Variants in TMEM132B observed in about 807,000 individuals in gnomAD.
TMEM132B encodes the protein transmembrane protein 132B.
A neutral mutation model predicts 90.8 loss-of-function variants in TMEM132B; 18 were observed. The observed-to-expected ratio is 0.20, with a 90% CI of 0.14 to 0.29. The LOEUF (loss-of-function observed/expected upper bound fraction) is 0.29, where lower values mean the gene tolerates loss of function less well. Among genes scored for constraint, TMEM132B ranks in the 10% least tolerant of loss-of-function variants. The pLI is 1.00. For missense variants in TMEM132B, 1,096 were observed against 1,326.8 expected, an observed-to-expected ratio of 0.83 and a Z score of 2.70; for synonymous variants, 504 against 523.3, an observed-to-expected ratio of 0.96 and a Z score of 0.50.
At chr12:125,448,590 A>G (rs908098787) in intron 3 of TMEM132B, among the ~76,000 whole-genome samples, 4 of 152,204 alleles carry the variant, frequency 2.6e-5, no homozygotes, top group Non-Finnish European at 5.9e-5. Context: ...TTTATTGTCT[A>G]TTCACCTGTT....
At chr12:125,614,873 A>G (rs1049016654) in intron 5 of TMEM132B, among the ~76,000 whole-genome samples, 2 of 151,844 alleles carry the variant, frequency 1.3e-5, no homozygotes, top group Non-Finnish European at 2.9e-5. Flanking sequence ...GCTGCTAGCA[A>G]CTCTTTCTCT....
chr12:125,233,934 A>G (rs1873877356), intron 1 of TMEM132B, among the ~76,000 whole-genome samples: 1 of 152,192 alleles, frequency 6.6e-6, no homozygotes, highest in Admixed American at 6.5e-5. Context: ...TGGTCTGATC[A>G]TGGAATTTTT....
chr12:125,571,814 G>A (rs560379651), intron 4 of TMEM132B, among the ~76,000 whole-genome samples: 5 of 152,118 alleles, frequency 3.3e-5, no homozygotes, highest in Admixed American at 2.0e-4. Flanking sequence ...AAACTCTTAC[G>A]TAAGTAGAGT....
At chr12:125,551,935 T>C (rs1884239182) in intron 4 of TMEM132B, among the ~76,000 whole-genome samples, 1 of 152,200 alleles carries the variant, frequency 6.6e-6, no homozygotes, top group African/African-American at 2.4e-5. Context: ...TGGTCTAGGC[T>C]GAGGACAGTC....
chr12:125,527,067 T>C (rs1251883289), intron 4 of TMEM132B, among the ~76,000 whole-genome samples: 216 of 55,562 alleles, frequency 3.9e-3, no homozygotes, highest in Admixed American at 5.9e-3. Context: ...TCCACCCATT[T>C]ACCCTTCTAT....
chr12:125,432,515 A>ATATGTATGTG, intron 3 of TMEM132B, among the ~76,000 whole-genome samples: 1 of 72,466 alleles, frequency 1.4e-5, no homozygotes, highest in Non-Finnish European at 2.7e-5. Flanking sequence ...GTGTGTGTAT[A>ATATGTATGTG]TATATATATA....
At chr12:125,505,803 G>A (rs915487055) in intron 3 of TMEM132B, among the ~76,000 whole-genome samples, 3 of 152,160 alleles carry the variant, frequency 2.0e-5, no homozygotes, top group Non-Finnish European at 4.4e-5. Flanking sequence ...TATTCAGTCT[G>A]AAGAACACAG....
At chr12:125,357,821 C>G (rs1229210693) in intron 2 of TMEM132B, among the ~76,000 whole-genome samples, 1 of 152,198 alleles carries the variant, frequency 6.6e-6, no homozygotes, top group Non-Finnish European at 1.5e-5. Context: ...ATCTGCAGAC[C>G]CAGGACTCAT....
At chr12:125,409,302 T>G (rs1415313222) in intron 2 of TMEM132B, among the ~76,000 whole-genome samples, 1 of 152,148 alleles carries the variant, frequency 6.6e-6, no homozygotes, top group Admixed American at 6.5e-5. Flanking sequence ...CACACTGGAA[T>G]TTATGGATCC....
intron 2 of TMEM132B, among the ~76,000 whole-genome samples, chr12:125,400,161 A>G (rs534025555): frequency 6.6e-6 from 1 of 152,362 alleles, no homozygotes; most frequent in Non-Finnish European, 1.5e-5. Context: ...TTATAGTAGA[A>G]GCACTGAAAT....
At chr12:125,519,678 C>A (rs1013088449) in intron 4 of TMEM132B, 53 bp downstream of exon 4, 1 of 1,557,140 alleles carries the variant, frequency 6.4e-7, no homozygotes, top group Non-Finnish European at 8.8e-7. Context: ...TTTCTTTAAA[C>A]ATGATGCACT....
Position 125,654,019 on chromosome 12 carries a change from C to T in TMEM132B, c.2561C>T (p.Thr854Ile), listed in dbSNP as rs753002491. The change falls in exon 9 of 9, where the codon ACC becomes ATC. Residue 854 changes from threonine (T) to isoleucine (I), a missense_variant. Transcript: ENST00000682704. The surrounding 1 kb of genome is among the most constrained non-coding windows in gnomAD (Gnocchi z 5.8). ...GAGGAAAGTACCAACAAAAGCACAA[C>T]CCCCCAGTCTCCCATGGAAGGGAAG... ...GQEESTNKST[T>I]PQSPMEGKNK... 5 of 1,614,162 alleles carry T rather than the reference C, an allele frequency of 3.1e-6. No homozygotes were observed. Among genetic ancestry groups the T allele is most frequent in the South Asian group, 1.1e-5 (1 of 91,082 alleles).
At chr12:125,319,484 C>T (rs188150971) in intron 1 of TMEM132B, among the ~76,000 whole-genome samples, 1 of 152,364 alleles carries the variant, frequency 6.6e-6, no homozygotes, top group East Asian at 1.9e-4. Context: ...TCTGCTGTGG[C>T]CACACACCCT....
In TMEM132B at chr12:125,371,154, G is replaced by A. The variant is rs1423893309; in HGVS notation, c.959+20811G>A. Among the ~76,000 whole-genome samples the A allele has an allele frequency of 4.6e-5, 7 of 152,200 alleles. 1 individual carries two copies. The highest frequency in any genetic ancestry group is 1.7e-4 in the African/African-American group (7 of 41,452). On this transcript the variant is annotated intron_variant, in intron 2 of 8. Coordinates refer to ENST00000682704, the MANE Select transcript of TMEM132B (RefSeq NM_001366854.1). The stretch of plus-strand genomic sequence containing the variant: ...CACAGGAGACAGATGAAGGCCAGAA[G>A]CCTCAGCAAGTCAGCTCCTTCTACC...
chr12:125,623,051 A>C (rs1043017225), intron 5 of TMEM132B, among the ~76,000 whole-genome samples: 4 of 152,108 alleles, frequency 2.6e-5, no homozygotes, highest in Non-Finnish European at 4.4e-5. Flanking sequence ...AATGGCACCT[A>C]ATTAACAGCG....
chr12:125,260,012 T>C (rs573106071), intron 1 of TMEM132B, among the ~76,000 whole-genome samples: 1 of 152,214 alleles, frequency 6.6e-6, no homozygotes, highest in African/African-American at 2.4e-5. Flanking sequence ...GTAGAAATTA[T>C]GTTTTGCATG....
At chr12:125,310,067 G>A (rs1876087428) in intron 1 of TMEM132B, among the ~76,000 whole-genome samples, 1 of 152,164 alleles carries the variant, frequency 6.6e-6, no homozygotes, top group African/African-American at 2.4e-5. Flanking sequence ...GTCCCAAGAG[G>A]ACCAGGCAGG....
intron 3 of TMEM132B, among the ~76,000 whole-genome samples, chr12:125,503,170 C>T (rs1342427327): frequency 6.6e-6 from 1 of 152,168 alleles, no homozygotes. Context: ...AGGTTCAGAT[C>T]TGAGAGAGGA....
At position 125,186,741 on chromosome 12, in the gene TMEM132B, G is replaced by A. The variant is rs1364554199; in HGVS notation, c.-59G>A. 2.0e-5 allele frequency: 3 copies of A among 146,952 alleles called. No individual in the cohort carries two copies. Among genetic ancestry groups the A allele is most frequent in the Non-Finnish European group, 3.0e-5 (2 of 66,048 alleles). 9.1% of individuals were successfully genotyped at this position (146,952 alleles called of 1,614,324 possible). A position where few individuals can be genotyped will look rare whatever the true frequency, so the allele number is the denominator to read the frequency against. On this transcript the variant is annotated 5_prime_UTR_variant, in exon 1 of 9. Coordinates refer to ENST00000682704, the MANE Select transcript of TMEM132B (RefSeq NM_001366854.1). This position sits in a 1 kb window ranked among gnomAD's most constrained non-coding sequence, Gnocchi z 6.3. ...CCGGGGGCTGCTCCGGGAGCCGCGGGCCGGGCCGGGCGCGCGAGAGGAGCA... is the reference window on the plus strand; with the variant it reads ...CCGGGGGCTGCTCCGGGAGCCGCGGACCGGGCCGGGCGCGCGAGAGGAGCA...
Sources: allele counts gnomAD v4.1 joint callset (sites outside exome capture counted in the v4.1 genomes callset), GRCh38; gene constraint gnomAD v4.1.1; non-coding constraint Gnocchi (gnomAD v3.1); transcripts MANE v1.5; gene names NCBI Gene and HGNC (gene_info 2026-07-23, HGNC 2026-07-21).